Variants in DCUN1D1 observed in about 807,000 individuals in gnomAD.
DCUN1D1 encodes DCN1-like protein 1.
DCUN1D1 carries 3 observed loss-of-function variants against 39.0 expected under a neutral mutation model. The ratio of observed to expected loss-of-function variants is 0.08; its 90% CI spans 0.04 to 0.20. DCUN1D1 has a LOEUF of 0.20. Ranked by LOEUF, DCUN1D1 falls within the 10% of genes least tolerant of loss-of-function variation. The pLI is 1.00. For synonymous variants in DCUN1D1, 82 were observed against 96.3 expected (o/e 0.85, Z 0.87); for missense variants, 158 against 302.4 (o/e 0.52, Z 3.54).
intron 4 of DCUN1D1, among the ~76,000 whole-genome samples, chr3:182,951,724 T>G (rs1244737404): frequency 6.7e-6 from 1 of 149,060 alleles, no homozygotes; most frequent in South Asian, 2.2e-4. Flanking sequence ...GAGACGGAGT[T>G]TCACTCTTGT....
rs1056249375 is a variant in DCUN1D1, at chr3:182,939,590, T to C, written c.*5504A>G. On this transcript the variant is annotated 3_prime_UTR_variant, in exon 7 of 7. Transcript: ENST00000292782. ...CCTCAAAAACATGCTAAGTGAAAGA[T>C]GCCAGATATAAAAGACTAACTGCAT... The C allele has an allele frequency of 6.6e-6, 1 of 152,168 alleles. No individual in the cohort carries two copies. The highest frequency in any genetic ancestry group is 2.4e-5 in the African/African-American group (1 of 41,442). 9.4% of individuals were successfully genotyped at this position (152,168 alleles called of 1,614,324 possible).
At chr3:182,955,070 C>T (rs1356565172) in intron 4 of DCUN1D1, among the ~76,000 whole-genome samples, 5 of 151,044 alleles carry the variant, frequency 3.3e-5, no homozygotes, top group African/African-American at 9.8e-5. Flanking sequence ...GACTGAGCCT[C>T]GCTCTTGCTG....
intron 1 of DCUN1D1, among the ~76,000 whole-genome samples, chr3:182,969,020 C>T (rs74359145): frequency 0.028 from 4,191 of 152,278 alleles, 204 homozygotes; most frequent in African/African-American, 0.096. Context: ...CTGAGTTCTA[C>T]CAGGCCAAGA....
intron 1 of DCUN1D1, among the ~76,000 whole-genome samples, chr3:182,976,137 G>C (rs1348992285): frequency 6.6e-6 from 1 of 151,998 alleles, no homozygotes; most frequent in Non-Finnish European, 1.5e-5. Flanking sequence ...TTGAACATTA[G>C]ACAGTCATCT....
intron 1 of DCUN1D1, among the ~76,000 whole-genome samples, chr3:182,977,760 G>A (rs1006821530): frequency 2.0e-5 from 3 of 151,870 alleles, no homozygotes; most frequent in Non-Finnish European, 4.4e-5. Flanking sequence ...TATGTTTCAG[G>A]CTGGCGTGGT....
upstream of DCUN1D1, among the ~76,000 whole-genome samples, chr3:182,982,304 G>A (rs561757035): frequency 1.3e-5 from 2 of 152,052 alleles, no homozygotes; most frequent in African/African-American, 4.8e-5. Flanking sequence ...ACGTCCTTCT[G>A]TATACAGCCT....
chr3:182,980,072 T>C, intron 1 of DCUN1D1: 1 of 853,774 alleles, frequency 1.2e-6, no homozygotes, highest in Non-Finnish European at 1.4e-6. Context: ...GGGAGGCTAC[T>C]CACCCGGAAC....
Position 182,944,027 on chromosome 3 carries a change from G to A in DCUN1D1, c.*1067C>T, listed in dbSNP as rs1275958611. 6.6e-6 allele frequency: 1 copy of A among 152,542 alleles called. No individual in the cohort carries two copies. The highest frequency in any genetic ancestry group is 1.5e-5 in the Non-Finnish European group (1 of 68,012). The allele number at this position is 152,542 out of a possible 1,614,324, so 9.4% of individuals were successfully genotyped here. On this transcript the variant is annotated 3_prime_UTR_variant, in exon 7 of 7. Transcript: ENST00000292782. ...TCGAAAATGGACTATTTGTCTGAAAGAGCAGTACCTATATTATAAAGATTG... is the reference window on the plus strand; with the variant it reads ...TCGAAAATGGACTATTTGTCTGAAAAAGCAGTACCTATATTATAAAGATTG...
rs1161995114 is a variant in DCUN1D1, at chr3:182,944,667, A to C, written c.*427T>G. The C allele has an allele frequency of 1.3e-5, 2 of 155,238 alleles. No individual in the cohort carries two copies. Among genetic ancestry groups the C allele is most frequent in the Admixed American group, 1.3e-4 (2 of 15,608 alleles). 9.6% of individuals were successfully genotyped at this position (155,238 alleles called of 1,614,324 possible). On this transcript the variant is annotated 3_prime_UTR_variant, in exon 7 of 7. Coordinates refer to ENST00000292782, the MANE Select transcript of DCUN1D1 (RefSeq NM_020640.4). ...TAGCATAGTCTTTGCAACTAGCCCA[A>C]AGCGTATATTTAAGAAGTTTTTATA...
At chr3:182,945,287 A>G in intron 6 of DCUN1D1, 114 bp from the exon 7 acceptor site, 1 of 741,058 alleles carries the variant, frequency 1.3e-6, no homozygotes, top group South Asian at 2.0e-5. Context: ...AAAGTATATC[A>G]TTCTTATCTA....
At chr3:182,975,306 A>T (rs1728167600) in intron 1 of DCUN1D1, among the ~76,000 whole-genome samples, 1 of 151,502 alleles carries the variant, frequency 6.6e-6, no homozygotes, top group African/African-American at 2.4e-5. Context: ...CCTCCTGAGT[A>T]GCTGGGACTA....
rs773454225 is a variant in DCUN1D1, at chr3:182,964,039, A to T, written c.231T>A (p.Asp77Glu). 1 of 1,610,118 alleles carries T rather than the reference A, an allele frequency of 6.2e-7. No individual in the cohort carries two copies. Among genetic ancestry groups the T allele is most frequent in the Non-Finnish European group, 8.5e-7 (1 of 1,177,810 alleles). Residue 77 changes from aspartate (D) to glutamate (E), a missense_variant, in exon 3 of 7, where the codon GAT (aspartate) becomes GAA (glutamate). Asp to Glu is a conservative substitution (Grantham distance 45). Coordinates refer to ENST00000292782, the MANE Select transcript of DCUN1D1 (RefSeq NM_020640.4). ...TGCCATCTATTCCAATTTTATTCTCATCTTGAGGGTCTTTAAAAATAACAA... is the reference window on the plus strand; with the variant it reads ...TGCCATCTATTCCAATTTTATTCTCTTCTTGAGGGTCTTTAAAAATAACAA... ...QLYNRYKDPQ[D>E]ENKIGIDGIQ...
intron 1 of DCUN1D1, among the ~76,000 whole-genome samples, chr3:182,967,786 T>A (rs1727746375): frequency 6.6e-6 from 1 of 152,204 alleles, no homozygotes; most frequent in Non-Finnish European, 1.5e-5. Flanking sequence ...AAACTCACAA[T>A]GAAATCAAAT....
chr3:182,938,400 G>A lies in DCUN1D1; in HGVS notation c.*6694C>T, dbSNP rs1033785168. The A allele has an allele frequency of 6.7e-6, 1 of 150,018 alleles. No individual in the cohort carries two copies. The highest frequency in any genetic ancestry group is 6.6e-5 in the Admixed American group (1 of 15,044). 9.3% of individuals were successfully genotyped at this position (150,018 alleles called of 1,614,324 possible). ...GGCACAACTTGAACACTGCTGGGTA[G>A]TTATTAACACTAACAAACTGTTAAC... is the stretch of plus-strand genomic sequence containing the variant. On this transcript the variant is annotated 3_prime_UTR_variant, in exon 7 of 7. Coordinates refer to ENST00000292782, the MANE Select transcript of DCUN1D1 (RefSeq NM_020640.4).
At chr3:182,975,737 GAGGGTC>G (rs1225024923) in intron 1 of DCUN1D1, among the ~76,000 whole-genome samples, 1 of 150,308 alleles carries the variant, frequency 6.7e-6, no homozygotes, top group African/African-American at 2.4e-5. Flanking sequence ...GGGAGTAGGT[GAGGGTC>G]AGGGGGAGAT....
chr3:182,976,350 T>C (rs945526471), intron 1 of DCUN1D1, among the ~76,000 whole-genome samples: 11 of 151,858 alleles, frequency 7.2e-5, no homozygotes, highest in Non-Finnish European at 1.6e-4. Context: ...CCAGTATCCT[T>C]ACAGTGTCCA....
At chr3:182,948,085 C>T (rs1047066877) in intron 4 of DCUN1D1, among the ~76,000 whole-genome samples, 2 of 152,122 alleles carry the variant, frequency 1.3e-5, no homozygotes, top group African/African-American at 4.8e-5. Context: ...CTTCACTCAG[C>T]CCCCACTGGT....
intron 4 of DCUN1D1, among the ~76,000 whole-genome samples, chr3:182,950,207 G>C (rs571118610): frequency 6.6e-6 from 1 of 152,084 alleles, no homozygotes; most frequent in South Asian, 2.1e-4. Flanking sequence ...GAGTGCTGTG[G>C]TGCAATCTCG....
intron 2 of DCUN1D1, 54 bp downstream of exon 2, chr3:182,965,483 T>C: frequency 2.5e-6 from 3 of 1,206,318 alleles, no homozygotes; most frequent in Non-Finnish European, 1.2e-6. Context: ...CATAAGCCCA[T>C]CTCTTTGGAA....
Sources: allele counts gnomAD v4.1 joint callset (sites outside exome capture counted in the v4.1 genomes callset), GRCh38; gene constraint gnomAD v4.1.1; transcripts MANE v1.5; gene names NCBI Gene and HGNC (gene_info 2026-07-23, HGNC 2026-07-21).